Variants in GNAI3 observed in about 807,000 individuals in gnomAD.
The protein encoded by GNAI3 is G protein subunit alpha i3, also known as guanine nucleotide-binding protein G(i) subunit alpha-3.
In GNAI3, 12 loss-of-function variants were observed where a neutral mutation model predicts 41.8. That is an observed-to-expected ratio of 0.29 (90% CI 0.18 to 0.47). The LOEUF (loss-of-function observed/expected upper bound fraction) is 0.47. Among genes scored for constraint, GNAI3 ranks in the 20% least tolerant of loss-of-function variants. The pLI is 1.00. For missense variants in GNAI3, 360 were observed against 429.6 expected (o/e 0.84, Z 1.43); for synonymous variants, 132 against 146.5 (o/e 0.90, Z 0.71).
intron 1 of GNAI3, among the ~76,000 whole-genome samples, chr1:109,570,244 T>C (rs1648557728): frequency 1.3e-5 from 2 of 152,232 alleles, no homozygotes; most frequent in African/African-American, 2.4e-5. Flanking sequence ...TACCTTTTGA[T>C]TCTGTAAGAA....
At chr1:109,554,953 A>G (rs1648100859) in intron 1 of GNAI3, among the ~76,000 whole-genome samples, 1 of 152,228 alleles carries the variant, frequency 6.6e-6, no homozygotes, top group African/African-American at 2.4e-5. Context: ...AACAAACAAT[A>G]CTTAGGAATA....
intron 1 of GNAI3, 115 bp downstream of exon 1, chr1:109,548,953 T>G (rs1647902762): frequency 6.3e-5 from 25 of 396,862 alleles, no homozygotes; most frequent in South Asian, 9.5e-5. Context: ...CTGGAGGGCG[T>G]GCCGGGCGTG....
chr1:109,549,969 A>G (rs1247799424), intron 1 of GNAI3, among the ~76,000 whole-genome samples: 1 of 152,188 alleles, frequency 6.6e-6, no homozygotes, highest in African/African-American at 2.4e-5. Flanking sequence ...AAGATTTTCT[A>G]GGGTAGTATT....
rs372762722 is a variant in GNAI3 at position 109,548,679 on chromosome 1, T to G, written c.-42T>G. On this transcript the variant is annotated 5_prime_UTR_variant, in exon 1 of 9. Transcript: ENST00000369851. ...GCCTGCCGAGCCGCAGTTTCCGTGG[T>G]GTGAGTGAGTCCGGGCCCGTGTCCC... The G allele has an allele frequency of 2.9e-6, 4 of 1,384,628 alleles. No individual in the cohort carries two copies. 85.8% of individuals were successfully genotyped at this position (1,384,628 alleles called of 1,614,324 possible).
intron 7 of GNAI3, among the ~76,000 whole-genome samples, chr1:109,589,696 T>C (rs1181425255): frequency 6.6e-6 from 1 of 152,226 alleles, no homozygotes; most frequent in Non-Finnish European, 1.5e-5. Context: ...GTACAACTTG[T>C]ATGAAACTCA....
In GNAI3 at chr1:109,579,225, G is replaced by T. The variant is rs1238456421; in HGVS notation, c.325G>T (p.Val109Phe). The stretch of plus-strand genomic sequence containing the variant: ...TCAGGATGATGCCCGGCAATTATTT[G>T]TTTTAGCTGGCAGTGCTGAAGAAGG... ...ARADDARQLF[V>F]LAGSAEEGVM... Residue 109 changes from valine to phenylalanine, a missense_variant, in exon 4 of 9, where the codon GTT becomes TTT. Physicochemically the swap from Val to Phe is conservative, Grantham distance 50. Transcript: ENST00000369851. The T allele has an allele frequency of 1.2e-6, 2 of 1,612,598 alleles. No homozygotes were observed. The highest frequency in any genetic ancestry group is 1.7e-6 in the Non-Finnish European group (2 of 1,179,200).
intron 7 of GNAI3, 53 bp downstream of exon 7, chr1:109,586,935 A>C (rs928393167): frequency 1.2e-5 from 15 of 1,223,834 alleles, no homozygotes; most frequent in Admixed American, 4.2e-5. Flanking sequence ...TTAGATCAAC[A>C]CTTTGGTGGC....
intron 1 of GNAI3, among the ~76,000 whole-genome samples, chr1:109,550,949 A>T (rs899402034): frequency 6.6e-6 from 1 of 152,248 alleles, no homozygotes; most frequent in Non-Finnish European, 1.5e-5. Context: ...GTTTATTGTA[A>T]TGTAGTTGGA....
chr1:109,584,614 C>T (rs1648991081), intron 5 of GNAI3, among the ~76,000 whole-genome samples: 1 of 152,198 alleles, frequency 6.6e-6, no homozygotes, highest in Non-Finnish European at 1.5e-5. Context: ...TTTTCCTCTT[C>T]TCTCTAGGCA....
At position 109,598,837 on chromosome 1, in the gene GNAI3, T is replaced by C; in HGVS notation, c.*6515T>C. 1.9e-6 allele frequency: 1 copy of C among 527,562 alleles called. No homozygotes were observed. Among genetic ancestry groups the C allele is most frequent in the Non-Finnish European group, 3.9e-6 (1 of 254,280 alleles). 32.7% of individuals were successfully genotyped at this position (527,562 alleles called of 1,614,324 possible). A position where few individuals can be genotyped will look rare whatever the true frequency, so the allele number is the denominator to read the frequency against. On this transcript the variant is annotated 3_prime_UTR_variant, in exon 9 of 9. Coordinates refer to ENST00000369851, the MANE Select transcript of GNAI3 (RefSeq NM_006496.4). The stretch of plus-strand genomic sequence containing the variant: ...CCTAGCAGGACCACCAGAGGCTCTG[T>C]CACACTTGCAGTCCCTGGCCCAACA...
chr1:109,586,619 T>C (rs758305448), intron 6 of GNAI3, 110 bp from the exon 7 acceptor site: 8 of 787,724 alleles, frequency 1.0e-5, no homozygotes, highest in Non-Finnish European at 1.6e-5. Flanking sequence ...GTTTGACTTA[T>C]TTCCGTGAAT....
rs1649250668 is a variant in GNAI3 at position 109,594,647 on chromosome 1, T to A, written c.*2325T>A. ...TTTTGGCTGGTGGGCTGGCAATCGA[T>A]TTTTTTTTTTTTTTTTTTTTTTTGA... On this transcript the variant is annotated 3_prime_UTR_variant, in exon 9 of 9. Coordinates refer to ENST00000369851, the MANE Select transcript of GNAI3 (RefSeq NM_006496.4). 3.0e-4 allele frequency: 1 copy of A among 3,338 alleles called. No individual in the cohort carries two copies. Among genetic ancestry groups the A allele is most frequent in the African/African-American group, 1.2e-3 (1 of 814 alleles). 0.2% of individuals were successfully genotyped at this position (3,338 alleles called of 1,614,324 possible).
At chr1:109,590,865 C>T (rs1164563008) in intron 7 of GNAI3, among the ~76,000 whole-genome samples, 4 of 152,160 alleles carry the variant, frequency 2.6e-5, no homozygotes, top group African/African-American at 9.6e-5. Context: ...GCACCCAGCT[C>T]CTTTTTTCTT....
intron 1 of GNAI3, 109 bp downstream of exon 1, chr1:109,548,947 A>T: frequency 6.9e-5 from 26 of 379,068 alleles, no homozygotes; most frequent in Non-Finnish European, 8.9e-5. Context: ...AGGGATCTGG[A>T]GGGCGTGCCG....
At chr1:109,562,435 G>A (rs753190260) in intron 1 of GNAI3, among the ~76,000 whole-genome samples, 11 of 152,122 alleles carry the variant, frequency 7.2e-5, no homozygotes, top group African/African-American at 1.2e-4. Flanking sequence ...GTATGTGTGT[G>A]TGTATAAAAT....
intron 5 of GNAI3, among the ~76,000 whole-genome samples, chr1:109,582,861 C>T (rs1648929671): frequency 6.6e-6 from 1 of 152,116 alleles, no homozygotes; most frequent in Non-Finnish European, 1.5e-5. Flanking sequence ...TTATTATTTT[C>T]AGCTGCTTTT....
At chr1:109,572,701 G>A (rs1224248827) in intron 1 of GNAI3, among the ~76,000 whole-genome samples, 2 of 152,064 alleles carry the variant, frequency 1.3e-5, no homozygotes, top group Non-Finnish European at 2.9e-5. Flanking sequence ...AGTTAGGGGT[G>A]TGTATGTGTG....
Position 109,598,887 on chromosome 1 carries a change from T to C in GNAI3, c.*6565T>C, listed in dbSNP as rs766047610. ...ACCGAAATCCTTCTGGAATCTGTGC[T>C]CTGGGGGCTGTGCCGGGTAGAGAGG... On this transcript the variant is annotated 3_prime_UTR_variant, in exon 9 of 9. Transcript: ENST00000369851. 1 of 534,710 alleles carries C rather than the reference T, an allele frequency of 1.9e-6. No individual in the cohort carries two copies. The highest frequency in any genetic ancestry group is 3.8e-6 in the Non-Finnish European group (1 of 259,982). The allele number at this position is 534,710 out of a possible 1,614,324, so 33.1% of individuals were successfully genotyped here. A position where few individuals can be genotyped will look rare whatever the true frequency, so the allele number is the denominator to read the frequency against.
intron 3 of GNAI3, among the ~76,000 whole-genome samples, chr1:109,575,585 C>T (rs1233061363): frequency 1.4e-5 from 2 of 144,344 alleles, no homozygotes; most frequent in Non-Finnish European, 3.0e-5. Flanking sequence ...CCCTGTCGCC[C>T]AGGCTGGAAT....
Sources: gnomAD v4.1 joint callset for allele counts (sites outside exome capture counted in the v4.1 genomes callset) on GRCh38, gnomAD v4.1.1 for gene constraint, MANE v1.5 for transcripts, NCBI Gene and HGNC (gene_info 2026-07-23, HGNC 2026-07-21) for gene names.